Variants in PCDH15 observed in about 807,000 individuals in gnomAD.
The protein encoded by PCDH15 is protocadherin related 15.
Under a neutral mutation model 178.5 loss-of-function variants are expected in PCDH15, and 129 were observed. That is an observed-to-expected ratio of 0.72 (90% CI 0.63 to 0.84). PCDH15 has a LOEUF of 0.84. PCDH15 is among the 40% of genes least tolerant of loss of function. PCDH15 has a pLI of 0.00. For missense variants in PCDH15, 2,230 were observed against 2,099.9 expected (o/e 1.06, Z -1.21); for synonymous variants, 800 against 732.0 (o/e 1.09, Z -1.50).
chr10:54,231,642 T>C (rs769007095), intron 9 of PCDH15, among the ~76,000 whole-genome samples: 9 of 152,142 alleles, frequency 5.9e-5, no homozygotes, highest in Non-Finnish European at 1.2e-4. Flanking sequence ...CACCAGCCCA[T>C]GAAATCAGCC....
intron 16 of PCDH15, among the ~76,000 whole-genome samples, chr10:54,079,829 T>C (rs1023783837): frequency 6.6e-6 from 1 of 152,184 alleles, no homozygotes; most frequent in East Asian, 1.9e-4. Flanking sequence ...TCCCAATTTA[T>C]GTCATATGTA....
intron 1 of PCDH15, among the ~76,000 whole-genome samples, chr10:54,780,619 C>T (rs1223620349): frequency 6.6e-6 from 1 of 151,042 alleles, no homozygotes; most frequent in Non-Finnish European, 1.5e-5. Flanking sequence ...GGAAGGAAAG[C>T]TTAGGAAAAC....
chr10:55,453,064 C>T lies in PCDH15; in HGVS notation c.-156+174561G>A. Among the ~76,000 whole-genome samples, 2 of 152,128 alleles carry T rather than the reference C, an allele frequency of 1.3e-5. 1 individual carries two copies. On this transcript the variant is annotated intron_variant, in intron 2 of 5. Transcript: ENST00000613346. The stretch of plus-strand genomic sequence containing the variant: ...ATAAATACAAATAAACTAAATACCT[C>T]TACATGTATTCATTGTCATATCTAA...
chr10:55,072,070 C>A (rs1223004079), intron 2 of PCDH15, among the ~76,000 whole-genome samples: 3 of 151,948 alleles, frequency 2.0e-5, no homozygotes, highest in Non-Finnish European at 4.4e-5. Flanking sequence ...ACACAACATA[C>A]CAGAATCTCT....
intron 1 of PCDH15, among the ~76,000 whole-genome samples, chr10:54,686,126 T>A (rs2095000287): frequency 6.7e-6 from 1 of 149,962 alleles, no homozygotes; most frequent in Admixed American, 6.8e-5. Context: ...GACCTCGTGA[T>A]CAGCCTCCCC....
intron 1 of PCDH15, among the ~76,000 whole-genome samples, chr10:55,311,507 C>T (rs1290216590): frequency 6.6e-6 from 1 of 152,088 alleles, no homozygotes; most frequent in Non-Finnish European, 1.5e-5. Context: ...GAAGGTTTAC[C>T]GAAGGTATTT....
chr10:55,007,021 C>T (rs1839945089), intron 2 of PCDH15, among the ~76,000 whole-genome samples: 1 of 152,076 alleles, frequency 6.6e-6, no homozygotes. Context: ...CCCCAGCACC[C>T]ACAAGCATCT....
chr10:55,120,321 T>A (rs1837733425), intron 2 of PCDH15, among the ~76,000 whole-genome samples: 1 of 152,118 alleles, frequency 6.6e-6, no homozygotes, highest in Admixed American at 6.5e-5. Flanking sequence ...TATGATTTAT[T>A]TGATAAGTAA....
intron 1 of PCDH15, among the ~76,000 whole-genome samples, chr10:55,215,278 A>T (rs905695428): frequency 1.3e-5 from 2 of 152,116 alleles, no homozygotes; most frequent in African/African-American, 4.8e-5. Context: ...CTTTCTTTTT[A>T]GTACTGAATT....
At chr10:55,219,094 G>C (rs1840794733) in intron 1 of PCDH15, among the ~76,000 whole-genome samples, 1 of 151,868 alleles carries the variant, frequency 6.6e-6, no homozygotes, top group Non-Finnish European at 1.5e-5. Flanking sequence ...TAGAAATATT[G>C]ATGTGAGGGG....
Position 55,273,403 on chromosome 10 carries a change from G to A in PCDH15, c.-156+46196C>T, listed in dbSNP as rs375044568. ...CCATTTATTATTACTGCTTGCCTTTGATTTGTCAAGTGTCTTAATATAGGA... is the reference window on the plus strand; with the variant it reads ...CCATTTATTATTACTGCTTGCCTTTAATTTGTCAAGTGTCTTAATATAGGA... On this transcript the variant is annotated intron_variant, in intron 1 of 5. Transcript: ENST00000458638. Among the ~76,000 whole-genome samples, 33 of 152,140 alleles carry A rather than the reference G, an allele frequency of 2.2e-4. No homozygotes were observed. The East Asian group carries it at 5.2e-3, about 24-fold the overall frequency.
intron 2 of PCDH15, among the ~76,000 whole-genome samples, chr10:54,576,241 C>T (rs2090469887): frequency 6.6e-6 from 1 of 152,130 alleles, no homozygotes; most frequent in Non-Finnish European, 1.5e-5. Flanking sequence ...ATGCAATGAT[C>T]CCTTTTGTAC....
At chr10:54,570,711 G>A (rs145722813) in intron 2 of PCDH15, among the ~76,000 whole-genome samples, 18 of 152,078 alleles carry the variant, frequency 1.2e-4, no homozygotes, top group African/African-American at 3.6e-4. Context: ...GGAGTGCAGT[G>A]GCGTGATCTC....
intron 2 of PCDH15, among the ~76,000 whole-genome samples, chr10:54,563,834 C>A (rs1372672647): frequency 6.6e-6 from 1 of 152,080 alleles, no homozygotes; most frequent in African/African-American, 2.4e-5. Context: ...AAAAATACAA[C>A]CTTACCCTAA....
intron 2 of PCDH15, among the ~76,000 whole-genome samples, chr10:55,589,210 T>A (rs1218515333): frequency 6.6e-6 from 1 of 152,100 alleles, no homozygotes; most frequent in Non-Finnish European, 1.5e-5. Flanking sequence ...AAGTCTTTAA[T>A]CCACCTTGAA....
At chr10:53,935,566 A>C (rs2085498445) in intron 25 of PCDH15, among the ~76,000 whole-genome samples, 1 of 152,162 alleles carries the variant, frequency 6.6e-6, no homozygotes, top group Non-Finnish European at 1.5e-5. Context: ...ATTTTATGGG[A>C]GCATAGCCAA....
At chr10:55,249,837 G>A (rs890298103) in intron 1 of PCDH15, among the ~76,000 whole-genome samples, 3 of 151,674 alleles carry the variant, frequency 2.0e-5, no homozygotes, top group African/African-American at 7.3e-5. Flanking sequence ...ATTATGTCAT[G>A]TTTTTTCTGG....
chr10:54,534,499 A>T (rs993053257), intron 2 of PCDH15, among the ~76,000 whole-genome samples: 1 of 152,162 alleles, frequency 6.6e-6, no homozygotes, highest in African/African-American at 2.4e-5. Flanking sequence ...TGCCCCTGAT[A>T]TGAGTTGGTG....
intron 15 of PCDH15, among the ~76,000 whole-genome samples, chr10:54,124,293 A>C (rs1476093259): frequency 1.3e-5 from 2 of 152,200 alleles, no homozygotes; most frequent in African/African-American, 4.8e-5. Flanking sequence ...AGTCAAATTA[A>C]TAGAGACAGA....
Sources: allele counts gnomAD v4.1 joint callset (sites outside exome capture counted in the v4.1 genomes callset), GRCh38; gene constraint gnomAD v4.1.1; transcripts MANE v1.5; gene names NCBI Gene and HGNC (gene_info 2026-07-23, HGNC 2026-07-21).